The following HS6ST3 variants were observed in gnomAD, a reference collection of about 807,000 sequenced individuals.
The protein encoded by HS6ST3 is heparan-sulfate 6-O-sulfotransferase 3.
HS6ST3 carries 12 observed loss-of-function variants against 36.7 expected under a neutral mutation model. That is an observed-to-expected ratio of 0.33 (90% CI 0.21 to 0.53). HS6ST3 has a LOEUF of 0.53. Ranked by LOEUF, HS6ST3 falls within the 20% of genes least tolerant of loss-of-function variation. HS6ST3 has a pLI of 0.95. For missense variants in HS6ST3, 584 were observed against 640.9 expected, an observed-to-expected ratio of 0.91 and a Z score of 0.96; for synonymous variants, 240 against 257.5, an observed-to-expected ratio of 0.93 and a Z score of 0.65.
At position 96,582,411 on chromosome 13, in the gene HS6ST3, A is replaced by G. The variant is rs186658083; in HGVS notation, c.708-250079A>G. Reference sequence around the variant, plus strand: ...TTTCCAAAGAAGTGACAGAATTTGCAAAGTTTATTAGTTCACATATGAAAA... The same window carrying G: ...TTTCCAAAGAAGTGACAGAATTTGCGAAGTTTATTAGTTCACATATGAAAA... On this transcript the variant is annotated intron_variant, in intron 1 of 1. Coordinates refer to ENST00000376705, the MANE Select transcript of HS6ST3 (RefSeq NM_153456.4). Among the ~76,000 whole-genome samples, 31 of 152,382 alleles carry G rather than the reference A, an allele frequency of 2.0e-4. No individual in the cohort carries two copies. In the East Asian group the frequency reaches 5.8e-3, roughly 28 times the overall value.
intron 1 of HS6ST3, among the ~76,000 whole-genome samples, chr13:96,747,792 G>T (rs533987360): frequency 6.6e-6 from 1 of 152,136 alleles, no homozygotes; most frequent in South Asian, 2.1e-4. Flanking sequence ...GGTTGAAGCA[G>T]ACTGAGGTTC....
chr13:96,645,413 T>C lies in HS6ST3; in HGVS notation c.708-187077T>C, dbSNP rs72643875. On this transcript the variant is annotated intron_variant, in intron 1 of 1. Coordinates refer to ENST00000376705, the MANE Select transcript of HS6ST3 (RefSeq NM_153456.4). Reference sequence around the variant, plus strand: ...GAGTCTGAGTAACTGTCTAATGGAATCTATAAGAGTCATAGCACTGGACTT... The same window carrying C: ...GAGTCTGAGTAACTGTCTAATGGAACCTATAAGAGTCATAGCACTGGACTT... 4.0e-3 allele frequency among the ~76,000 whole-genome samples: 608 copies of C among 151,618 alleles called. 6 individuals are homozygous for C. The highest frequency in any genetic ancestry group is 7.1e-3 in the Admixed American group (108 of 15,146).
At chr13:96,741,288 C>T (rs1876432508) in intron 1 of HS6ST3, among the ~76,000 whole-genome samples, 1 of 152,190 alleles carries the variant, frequency 6.6e-6, no homozygotes, top group Non-Finnish European at 1.5e-5. Flanking sequence ...ATTTCAAAAG[C>T]TTCTCAGCCA....
intron 1 of HS6ST3, among the ~76,000 whole-genome samples, chr13:96,609,250 G>T (rs910538464): frequency 6.6e-6 from 1 of 152,072 alleles, no homozygotes; most frequent in Non-Finnish European, 1.5e-5. Flanking sequence ...GATTGCAGAT[G>T]TGAGCCACCA....
chr13:96,296,390 G>C lies in HS6ST3; in HGVS notation c.707+204821G>C, dbSNP rs1001087934. Among the ~76,000 whole-genome samples, 79 of 152,086 alleles carry C rather than the reference G, an allele frequency of 5.2e-4. 4 individuals are homozygous for C. Among genetic ancestry groups the C allele is most frequent in the Admixed American group, 4.9e-3 (75 of 15,248 alleles). On this transcript the variant is annotated intron_variant, in intron 1 of 1. Transcript: ENST00000376705. ...CTTCTAGCTTAACATTGAATCTTTG[G>C]GTGAGAGATTAGACTTTGATTTCAG...
At chr13:96,119,332 GA>G in intron 1 of HS6ST3, among the ~76,000 whole-genome samples, 1 of 151,880 alleles carries the variant, frequency 6.6e-6, no homozygotes, top group Middle Eastern at 3.4e-3. Flanking sequence ...TTTTAAATTG[GA>G]AAAAACAGAG....
At chr13:96,419,839 TC>T (rs2055554320) in intron 1 of HS6ST3, among the ~76,000 whole-genome samples, 1 of 152,132 alleles carries the variant, frequency 6.6e-6, no homozygotes, top group South Asian at 2.1e-4. Flanking sequence ...ATTTCCCTCT[TC>T]CTATAAGGAC....
intron 1 of HS6ST3, among the ~76,000 whole-genome samples, chr13:96,821,369 G>A (rs566698021): frequency 6.6e-6 from 1 of 152,288 alleles, no homozygotes; most frequent in African/African-American, 2.4e-5. Flanking sequence ...CAAAGCCTGG[G>A]CCACTGCATC....
rs532715161 is a variant in HS6ST3 at position 96,268,018 on chromosome 13, A to G, written c.707+176449A>G. ...CACACACTCAAGTGCAAAGAGAGAG[A>G]GAGAGAGAGCAAGCTCTGATGTCTC... On this transcript the variant is annotated intron_variant, in intron 1 of 1. Transcript: ENST00000376705. Among the ~76,000 whole-genome samples the G allele has an allele frequency of 8.5e-5, 13 of 152,072 alleles. No individual in the cohort carries two copies. In the South Asian group the frequency reaches 2.5e-3, roughly 29 times the overall value.
At chr13:96,255,947 A>G (rs2054634789) in intron 1 of HS6ST3, among the ~76,000 whole-genome samples, 1 of 152,194 alleles carries the variant, frequency 6.6e-6, no homozygotes, top group African/African-American at 2.4e-5. Flanking sequence ...TCCTTCACAA[A>G]TAAACTCACC....
intron 1 of HS6ST3, among the ~76,000 whole-genome samples, chr13:96,448,676 C>T (rs920167889): frequency 3.3e-5 from 5 of 152,180 alleles, no homozygotes; most frequent in African/African-American, 7.2e-5. Context: ...CCTCCTCATC[C>T]GCTTGACTGT....
At chr13:96,132,551 G>C (rs1031836106) in intron 1 of HS6ST3, among the ~76,000 whole-genome samples, 1 of 151,974 alleles carries the variant, frequency 6.6e-6, no homozygotes, top group Non-Finnish European at 1.5e-5. Context: ...GACCACAGGC[G>C]TATGCCACTA....
intron 1 of HS6ST3, among the ~76,000 whole-genome samples, chr13:96,386,646 C>T (rs2055369877): frequency 6.6e-6 from 1 of 152,090 alleles, no homozygotes; most frequent in African/African-American, 2.4e-5. Flanking sequence ...GTGGGTGGAT[C>T]ACAAGGTCAA....
chr13:96,100,181 C>T (rs1566881740), intron 1 of HS6ST3, among the ~76,000 whole-genome samples: 1 of 151,732 alleles, frequency 6.6e-6, no homozygotes, highest in Non-Finnish European at 1.5e-5. Flanking sequence ...ATCTGGTATG[C>T]AATGGTTTGT....
intron 1 of HS6ST3, among the ~76,000 whole-genome samples, chr13:96,221,006 T>C (rs1341604516): frequency 6.6e-6 from 1 of 152,168 alleles, no homozygotes; most frequent in Non-Finnish European, 1.5e-5. Flanking sequence ...TTAAATATTA[T>C]TATACATTTG....
rs114585161 is a variant in HS6ST3, at chr13:96,639,798, G to A, written c.708-192692G>A. On this transcript the variant is annotated intron_variant, in intron 1 of 1. Coordinates refer to ENST00000376705, the MANE Select transcript of HS6ST3 (RefSeq NM_153456.4). ...TCTCTATTATAAATGAGAACATGTGGTATTTGGTATTTGGTTTCCTGTTCC... is the reference window on the plus strand; with the variant it reads ...TCTCTATTATAAATGAGAACATGTGATATTTGGTATTTGGTTTCCTGTTCC... Among the ~76,000 whole-genome samples, 594 of 152,074 alleles carry A rather than the reference G, an allele frequency of 3.9e-3. 2 individuals carry two copies. The highest frequency in any genetic ancestry group is 0.014 in the African/African-American group (574 of 41,498).
At chr13:96,831,082 C>T (rs1878770730) in intron 1 of HS6ST3, among the ~76,000 whole-genome samples, 1 of 152,146 alleles carries the variant, frequency 6.6e-6, no homozygotes, top group Admixed American at 6.5e-5. Flanking sequence ...AAGGATTGTC[C>T]TTATTTTAAA....
At chr13:96,458,638 C>CAA (rs762733654) in intron 1 of HS6ST3, among the ~76,000 whole-genome samples, 5 of 59,160 alleles carry the variant, frequency 8.5e-5, no homozygotes, top group African/African-American at 2.0e-4. Context: ...GTTCTCAAGA[C>CAA]AAAAAAAAAA....
chr13:96,672,358 C>T (rs1037788126), intron 1 of HS6ST3, among the ~76,000 whole-genome samples: 2 of 152,004 alleles, frequency 1.3e-5, no homozygotes, highest in Admixed American at 1.3e-4. Flanking sequence ...ATTTTTGTGC[C>T]TGTCACTAAT....
Sources: gnomAD v4.1 joint callset for allele counts (sites outside exome capture counted in the v4.1 genomes callset) on GRCh38, gnomAD v4.1.1 for gene constraint, MANE v1.5 for transcripts, NCBI Gene and HGNC (gene_info 2026-07-23, HGNC 2026-07-21) for gene names.